FAH: variants seen among roughly 807,000 people sequenced by gnomAD.
The protein encoded by FAH is fumarylacetoacetase.
A neutral mutation model predicts 55.8 loss-of-function variants in FAH; 47 were observed. The ratio of observed to expected loss-of-function variants is 0.84; its 90% CI spans 0.67 to 1.07. FAH has a LOEUF of 1.07. Among genes scored for constraint, FAH ranks in the 50% least tolerant of loss-of-function variants. FAH has a pLI of 0.00. For missense variants in FAH, 495 were observed against 545.9 expected, an observed-to-expected ratio of 0.91 and a Z score of 0.93; for synonymous variants, 199 against 207.7, an observed-to-expected ratio of 0.96 and a Z score of 0.36.
chr15:80,181,712 T>C (rs1053315279), intron 13 of FAH, among the ~76,000 whole-genome samples: 1 of 152,138 alleles, frequency 6.6e-6, no homozygotes, highest in Non-Finnish European at 1.5e-5. Flanking sequence ...TTAAGTTATT[T>C]AGCCTTTCTG....
In FAH at chr15:80,153,170, A is replaced by AGGGGAG. The variant is rs60184934; in HGVS notation, c.81+38_81+39insGAGGGG. 5.2e-5 allele frequency: 73 copies of AGGGGAG among 1,404,162 alleles called. 1 individual carries two copies. In the East Asian group the frequency reaches 1.3e-3, roughly 24 times the overall value. 87.0% of individuals were successfully genotyped at this position (1,404,162 alleles called of 1,614,324 possible). The stretch of plus-strand genomic sequence containing the variant: ...GGGGCTTTGGCGTCCGGGCGCGGGG[A>AGGGGAG]GGGAGTGGAGTGGAGTGGAGTGGAG... On this transcript the variant is annotated intron_variant, in intron 1 of 13. Coordinates refer to ENST00000561421, the MANE Select transcript of FAH (RefSeq NM_000137.4).
At chr15:80,154,629 G>A (rs1461868575) in intron 1 of FAH, among the ~76,000 whole-genome samples, 1 of 152,162 alleles carries the variant, frequency 6.6e-6, no homozygotes, top group Non-Finnish European at 1.5e-5. Context: ...TAGTTGCCAA[G>A]GCAAAACCTC....
intron 4 of FAH, 65 bp downstream of exon 4, chr15:80,160,524 G>A (rs906681421): frequency 6.6e-7 from 1 of 1,522,262 alleles, no homozygotes; most frequent in Admixed American, 1.7e-5. Context: ...GGCTGGCCAG[G>A]TGCTTTGGTT....
chr15:80,159,896 TAGG>T lies in FAH; in HGVS notation c.314+20_314+22del. The stretch of plus-strand genomic sequence containing the variant: ...GGAAGTGGTGAGAAGCACGTGGTCA[TAGG>T]GGGGATGAGGGGATGCAGCAGGGGA... On this transcript the variant is annotated intron_variant, in intron 3 of 13. Transcript: ENST00000561421. The T allele has an allele frequency of 6.2e-7, 1 of 1,613,630 alleles. No individual in the cohort carries two copies. Among genetic ancestry groups the T allele is most frequent in the Admixed American group, 1.7e-5 (1 of 59,922 alleles).
chr15:80,175,810 C>T (rs2041278663), intron 10 of FAH, among the ~76,000 whole-genome samples: 1 of 152,206 alleles, frequency 6.6e-6, no homozygotes, highest in East Asian at 1.9e-4. Context: ...GCGTTGACCT[C>T]ATGGTGTGTT....
chr15:80,173,048 C>T lies in FAH; in HGVS notation c.741C>T (p.Leu247=), dbSNP rs145851627. The T allele has an allele frequency of 1.1e-4, 170 of 1,614,112 alleles. No homozygotes were observed. The highest frequency in any genetic ancestry group is 1.3e-4 in the Non-Finnish European group (154 of 1,180,054). ...RDIQKWEYVP[L]GPFLGKSFGT... is the part of the protein sequence containing the mutation. The stretch of plus-strand genomic sequence containing the variant: ...TTCAGAAGTGGGAGTATGTCCCTCT[C>T]GGGCCATTCCTTGGGAAGAGTTTTG... The change falls in exon 9 of 14, where the codon CTC becomes CTT. Residue 247 remains leucine, a synonymous_variant. Transcript: ENST00000561421.
chr15:80,153,394 G>T (rs567818237), intron 1 of FAH, among the ~76,000 whole-genome samples: 1 of 152,066 alleles, frequency 6.6e-6, no homozygotes, highest in Admixed American at 6.5e-5. Flanking sequence ...GAAATGAATC[G>T]TGTCACTCTC....
At position 80,173,119 on chromosome 15, in the gene FAH, C is replaced by T; in HGVS notation, c.812C>T (p.Pro271Leu). ...GTGGTGCCCATGGATGCTCTCATGC[C>T]CTTTGCTGTGCCCAACCCGAAGCAG... The part of the protein sequence containing the change: ...PWVVPMDALM[P>L]FAVPNPKQDP... Residue 271 changes from proline (P) to leucine (L), a missense_variant, in exon 9 of 14, where the codon CCC becomes CTC. Coordinates refer to ENST00000561421, the MANE Select transcript of FAH (RefSeq NM_000137.4). 6.2e-7 allele frequency: 1 copy of T among 1,614,176 alleles called. No homozygotes were observed.
At chr15:80,162,801 T>C (rs1356629250) in intron 5 of FAH, 1 of 228,938 alleles carries the variant, frequency 4.4e-6, no homozygotes, top group East Asian at 1.1e-4. Context: ...AGGCCATGAT[T>C]GTAAGCCCCA....
In FAH at chr15:80,174,820, A is replaced by G. The variant is rs11072883; in HGVS notation, c.838-196A>G. On this transcript the variant is annotated intron_variant, in intron 9 of 13. Transcript: ENST00000561421. ...TGCCCCTTCCTTGGCTGCATTTCCTAGAGACCCACAGTATGATCCCCCCTA... is the reference window on the plus strand; with the variant it reads ...TGCCCCTTCCTTGGCTGCATTTCCTGGAGACCCACAGTATGATCCCCCCTA... 0.73 allele frequency among the ~76,000 whole-genome samples: 110,291 copies of G among 151,988 alleles called. 40,128 individuals carry two copies. Among genetic ancestry groups the G allele is most frequent in the East Asian group, 0.88 (4,527 of 5,164 alleles).
intron 5 of FAH, 135 bp downstream of exon 5, chr15:80,162,471 T>TG: frequency 2.6e-6 from 2 of 771,116 alleles, no homozygotes; most frequent in Non-Finnish European, 4.5e-6. Context: ...TTGCAACCTC[T>TG]GGAAGCAGTG....
intron 2 of FAH, among the ~76,000 whole-genome samples, chr15:80,159,413 G>A (rs553846921): frequency 6.6e-6 from 1 of 151,202 alleles, no homozygotes; most frequent in East Asian, 2.0e-4. Context: ...ATTAGTTTAG[G>A]CTGTGATCAC....
chr15:80,181,315 C>T (rs549035904), intron 13 of FAH, among the ~76,000 whole-genome samples, 156 bp downstream of exon 13: 2 of 152,326 alleles, frequency 1.3e-5, no homozygotes, highest in South Asian at 4.1e-4. Flanking sequence ...TCCTTCCCCA[C>T]AGCTATGGCT....
In FAH at chr15:80,160,174, G is replaced by A. The variant is rs150506852; in HGVS notation, c.315-236G>A. Reference sequence around the variant, plus strand: ...TCTGTGACCTCATCTGGTTTCTAGAGTAGGAAAGAGTTTCCACTTGTCTAG... The same window carrying A: ...TCTGTGACCTCATCTGGTTTCTAGAATAGGAAAGAGTTTCCACTTGTCTAG... On this transcript the variant is annotated intron_variant, in intron 3 of 13. Coordinates refer to ENST00000561421, the MANE Select transcript of FAH (RefSeq NM_000137.4). 43 of 640,276 alleles carry A rather than the reference G, an allele frequency of 6.7e-5. No individual in the cohort carries two copies. In the East Asian group the frequency reaches 1.2e-3, roughly 17 times the overall value. 39.7% of individuals were successfully genotyped at this position (640,276 alleles called of 1,614,324 possible).
In FAH at chr15:80,177,544, A is replaced by G. The variant is rs76338717; in HGVS notation, c.921A>G (p.Gly307=). The stretch of plus-strand genomic sequence containing the variant: ...TGCTTTTCTTTCCAACAGGAGAAGG[A>G]ATGAGCCAGGCGGCTACCATATGCA... ...INLSVNLKGE[G]MSQAATICKS... is the part of the protein sequence containing the mutation. Residue 307 remains glycine (G), a synonymous_variant, in exon 11 of 14, where the codon GGA becomes GGG. Coordinates refer to ENST00000561421, the MANE Select transcript of FAH (RefSeq NM_000137.4). 2,567 of 1,613,976 alleles carry G rather than the reference A, an allele frequency of 1.6e-3. 73 individuals are homozygous for G. The East Asian group carries it at 0.051, about 32-fold the overall frequency.
rs186292559 is a variant in FAH, at chr15:80,172,769, G to A, written c.707-245G>A. On this transcript the variant is annotated intron_variant, in intron 8 of 13. Coordinates refer to ENST00000561421, the MANE Select transcript of FAH (RefSeq NM_000137.4). Reference sequence around the variant, plus strand: ...GAATGAGCTTCCAGCCCCTTCCTGGGAGATATCCTGACCACCGTTTGGTCA... The same window carrying A: ...GAATGAGCTTCCAGCCCCTTCCTGGAAGATATCCTGACCACCGTTTGGTCA... Among the ~76,000 whole-genome samples the A allele has an allele frequency of 3.6e-3, 551 of 152,246 alleles. 3 individuals carry two copies. Among genetic ancestry groups the A allele is most frequent in the African/African-American group, 0.013 (527 of 41,546 alleles).
In FAH at chr15:80,170,488, G is replaced by A. The variant is rs1447438378; in HGVS notation, c.607-1661G>A. ...ATGAGTGGGCACTGCCGAATAGCCC[G>A]TGGATAGCAGGGCATTCCCTGCCAG... On this transcript the variant is annotated intron_variant, in intron 7 of 13. Transcript: ENST00000561421. Among the ~76,000 whole-genome samples, 6 of 152,376 alleles carry A rather than the reference G, an allele frequency of 3.9e-5. No homozygotes were observed. The East Asian group carries it at 7.7e-4, about 20-fold the overall frequency.
At chr15:80,184,405 C>T (rs985368490) in intron 13 of FAH, among the ~76,000 whole-genome samples, 8 of 152,150 alleles carry the variant, frequency 5.3e-5, no homozygotes, top group Non-Finnish European at 4.4e-5. Context: ...TTGCCTGGCA[C>T]AGAATTCCTG....
chr15:80,160,229 G>C, intron 3 of FAH, 181 bp from the exon 4 acceptor site: 2 of 704,196 alleles, frequency 2.8e-6, no homozygotes, highest in Admixed American at 4.2e-5. Context: ...ATATAGAAAC[G>C]GCTTCAGTGG....
Sources: allele counts gnomAD v4.1 joint callset (sites outside exome capture counted in the v4.1 genomes callset), GRCh38; gene constraint gnomAD v4.1.1; transcripts MANE v1.5; gene names NCBI Gene and HGNC (gene_info 2026-07-23, HGNC 2026-07-21).